MAN1C1: variants seen among roughly 807,000 people sequenced by gnomAD.
MAN1C1 encodes mannosyl-oligosaccharide 1,2-alpha-mannosidase IC.
A neutral mutation model predicts 71.5 loss-of-function variants in MAN1C1; 49 were observed. The ratio of observed to expected loss-of-function variants is 0.69; its 90% CI spans 0.54 to 0.87. MAN1C1 has a LOEUF of 0.87. MAN1C1 is among the 40% of genes least tolerant of loss of function. The pLI is 0.00. For synonymous variants in MAN1C1, 352 were observed against 343.7 expected, an observed-to-expected ratio of 1.02 and a Z score of -0.27; for missense variants, 743 against 835.0, an observed-to-expected ratio of 0.89 and a Z score of 1.36.
intron 1 of MAN1C1, among the ~76,000 whole-genome samples, chr1:25,643,866 C>T (rs1433158014): frequency 6.6e-6 from 1 of 152,088 alleles, no homozygotes; most frequent in Non-Finnish European, 1.5e-5. Context: ...AAATTGCCTT[C>T]ATGTGGCTGC....
chr1:25,746,847 C>A lies in MAN1C1; in HGVS notation c.753+64C>A. The A allele has an allele frequency of 9.0e-7, 1 of 1,105,320 alleles. No individual in the cohort carries two copies. Among genetic ancestry groups the A allele is most frequent in the Non-Finnish European group, 1.3e-6 (1 of 752,688 alleles). The allele number at this position is 1,105,320 out of a possible 1,614,324, so 68.5% of individuals were successfully genotyped here. ...CCAGAAGAGGCCCAACAGCCAGCTTCACCCTGTCATCTCTGAGACCCAGAG... is the reference window on the plus strand; with the variant it reads ...CCAGAAGAGGCCCAACAGCCAGCTTAACCCTGTCATCTCTGAGACCCAGAG... On this transcript the variant is annotated intron_variant, in intron 3 of 11. Coordinates refer to ENST00000374332, the MANE Select transcript of MAN1C1 (RefSeq NM_020379.4). This position sits in a 1 kb window ranked among gnomAD's most constrained non-coding sequence, Gnocchi z 4.0.
In MAN1C1 at chr1:25,735,572, T is replaced by C. The variant is rs2046972921; in HGVS notation, c.638-11096T>C. Among the ~76,000 whole-genome samples the C allele has an allele frequency of 6.6e-6, 1 of 152,214 alleles. No homozygotes were observed. Among genetic ancestry groups the C allele is most frequent in the Non-Finnish European group, 1.5e-5 (1 of 68,034 alleles). On this transcript the variant is annotated intron_variant, in intron 2 of 11. Transcript: ENST00000374332. The surrounding 1 kb of genome is among the most constrained non-coding windows in gnomAD (Gnocchi z 4.6). ...TATGTATATATATGACATAGGACTG[T>C]AAGAACATTGTATCAGTCATCTATT...
chr1:25,780,254 A>T (rs1021180688), intron 9 of MAN1C1, among the ~76,000 whole-genome samples: 4 of 152,182 alleles, frequency 2.6e-5, no homozygotes, highest in African/African-American at 9.7e-5. Context: ...GGTTATAATT[A>T]TGGCCATATG....
At chr1:25,684,903 G>A (rs1019685465) in intron 1 of MAN1C1, among the ~76,000 whole-genome samples, 2 of 152,222 alleles carry the variant, frequency 1.3e-5, no homozygotes, top group African/African-American at 4.8e-5. Flanking sequence ...GCAGCACAGG[G>A]GAACTGGTAG....
intron 2 of MAN1C1, among the ~76,000 whole-genome samples, chr1:25,740,175 A>C (rs1245852055): frequency 6.6e-6 from 1 of 152,130 alleles, no homozygotes; most frequent in African/African-American, 2.4e-5. Flanking sequence ...GGAGACAGTG[A>C]GTGGCATGAA....
intron 1 of MAN1C1, among the ~76,000 whole-genome samples, chr1:25,638,821 A>G (rs901910074): frequency 6.6e-6 from 1 of 152,052 alleles, no homozygotes; most frequent in Non-Finnish European, 1.5e-5. Context: ...GTTTTCAGCA[A>G]TTTGACTATT....
intron 11 of MAN1C1, among the ~76,000 whole-genome samples, chr1:25,783,141 G>T (rs1160251203): frequency 6.6e-6 from 1 of 152,048 alleles, no homozygotes; most frequent in Admixed American, 6.5e-5. Context: ...CTTCCTCACT[G>T]TTCCCCAAAG....
intron 1 of MAN1C1, among the ~76,000 whole-genome samples, chr1:25,655,073 T>A (rs1036243584): frequency 6.6e-6 from 1 of 152,222 alleles, no homozygotes; most frequent in African/African-American, 2.4e-5. Flanking sequence ...TCATGTGTGC[T>A]TGTGCTTTTT....
At chr1:25,701,361 G>C (rs2046440588) in intron 2 of MAN1C1, among the ~76,000 whole-genome samples, 1 of 152,248 alleles carries the variant, frequency 6.6e-6, no homozygotes, top group Non-Finnish European at 1.5e-5. Flanking sequence ...GGCTAGTGCA[G>C]ACCCCTTCCT....
chr1:25,774,823 TA>T (rs5773133), intron 8 of MAN1C1, among the ~76,000 whole-genome samples: 85,821 of 148,280 alleles, frequency 0.58, 25,452 homozygotes, highest in Middle Eastern at 0.79. Context: ...GTTAATACAT[TA>T]AAAAAAAAAA....
intron 2 of MAN1C1, among the ~76,000 whole-genome samples, chr1:25,698,644 G>A (rs2046397499): frequency 6.6e-6 from 1 of 152,088 alleles, no homozygotes; most frequent in Admixed American, 6.6e-5. Context: ...ATTCTTGGAG[G>A]GGTGAGCTTC....
At chr1:25,632,928 C>T (rs934880298) in intron 1 of MAN1C1, among the ~76,000 whole-genome samples, 1 of 143,714 alleles carries the variant, frequency 7.0e-6, no homozygotes, top group Non-Finnish European at 1.5e-5. Context: ...AGTGCAGTGG[C>T]ACAATCTTGG....
chr1:25,618,367 C>T, intron 1 of MAN1C1, 30 bp downstream of exon 1: 1 of 1,573,128 alleles, frequency 6.4e-7, no homozygotes, highest in South Asian at 1.2e-5. Context: ...ACTCCTCCCA[C>T]CAACTGCCCC....
chr1:25,686,586 C>G, intron 2 of MAN1C1, 50 bp downstream of exon 2: 1 of 1,518,760 alleles, frequency 6.6e-7, no homozygotes, highest in Non-Finnish European at 9.1e-7. Context: ...ACCGCCCCGC[C>G]AGTGGCCGAG....
chr1:25,705,023 TTTGA>T (rs764685934), intron 2 of MAN1C1, among the ~76,000 whole-genome samples: 8 of 152,254 alleles, frequency 5.3e-5, no homozygotes, highest in Non-Finnish European at 1.0e-4. Flanking sequence ...AGTGATAAAG[TTTGA>T]ACAAATCCCT....
In MAN1C1 at chr1:25,775,224, G is replaced by A. The variant is rs370769191; in HGVS notation, c.1258-2881G>A. 2.6e-5 allele frequency among the ~76,000 whole-genome samples: 4 copies of A among 152,314 alleles called. No homozygotes were observed. The highest frequency in any genetic ancestry group is 9.6e-5 in the African/African-American group (4 of 41,560). ...CCTGCACCGCAGGCTTAGTGACGCCGAGCAGCTGCCAGGGACATGGCTCTG... is the reference window on the plus strand; with the variant it reads ...CCTGCACCGCAGGCTTAGTGACGCCAAGCAGCTGCCAGGGACATGGCTCTG... On this transcript the variant is annotated intron_variant, in intron 8 of 11. Transcript: ENST00000374332. The surrounding 1 kb of genome is among the most constrained non-coding windows in gnomAD (Gnocchi z 5.1).
chr1:25,751,800 G>A (rs765236076), intron 4 of MAN1C1, among the ~76,000 whole-genome samples: 1 of 152,160 alleles, frequency 6.6e-6, no homozygotes, highest in Non-Finnish European at 1.5e-5. Flanking sequence ...AGTGTCTGAG[G>A]GTTGTGTTGG....
intron 8 of MAN1C1, among the ~76,000 whole-genome samples, chr1:25,773,557 C>G (rs1026458770): frequency 6.6e-6 from 1 of 152,202 alleles, no homozygotes; most frequent in African/African-American, 2.4e-5. Flanking sequence ...ACCAGAGCCC[C>G]GGTCAGAGAA....
chr1:25,667,832 A>T (rs903241837), intron 1 of MAN1C1, among the ~76,000 whole-genome samples: 19 of 152,202 alleles, frequency 1.2e-4, no homozygotes, highest in Non-Finnish European at 1.8e-4. Flanking sequence ...AAGTGCCACC[A>T]CACATCACCC....
Sources: gnomAD v4.1 joint callset for allele counts (sites outside exome capture counted in the v4.1 genomes callset) on GRCh38, gnomAD v4.1.1 for gene constraint, Gnocchi (gnomAD v3.1) non-coding constraint, MANE v1.5 for transcripts, NCBI Gene and HGNC (gene_info 2026-07-23, HGNC 2026-07-21) for gene names.